The following SASH1 variants were observed in gnomAD, a reference collection of about 807,000 sequenced individuals.
SASH1 encodes the protein SAM and SH3 domain-containing protein 1.
SASH1 carries 44 observed loss-of-function variants against 125.2 expected under a neutral mutation model. That is an observed-to-expected ratio of 0.35 (90% CI 0.28 to 0.45). SASH1 has a LOEUF of 0.45. SASH1 is among the 20% of genes least tolerant of loss of function. SASH1 has a pLI of 1.00. For missense variants in SASH1, 1,426 were observed against 1,614.5 expected, an observed-to-expected ratio of 0.88 and a Z score of 2.00; for synonymous variants, 639 against 649.1, an observed-to-expected ratio of 0.98 and a Z score of 0.24.
chr6:148,533,913 G>A lies in SASH1; in HGVS notation c.1877G>A (p.Arg626Lys), dbSNP rs375335791. The change falls in exon 15 of 20, where the codon AGG becomes AAG. Residue 626 changes from arginine to lysine, a missense_variant. By Grantham distance (26) the Arg-to-Lys change is conservative (BLOSUM62 2). This residue lies in a region of SASH1 where 225 missense variants were observed against 344.5 expected (regional missense o/e 0.65). Coordinates refer to ENST00000367467, the MANE Select transcript of SASH1 (RefSeq NM_015278.5). This position sits in a 1 kb window ranked among gnomAD's most constrained non-coding sequence, Gnocchi z 6.2. The part of the protein sequence containing the change: ...DEEKPKRPTR[R>K]RRKGRPPQPK... ...GAGAAACCCAAACGCCCCACCAGGA[G>A]GCGTCGGAAAGGACGACCACCCCAG... The A allele has an allele frequency of 3.7e-6, 6 of 1,613,936 alleles. No individual in the cohort carries two copies. The highest frequency in any genetic ancestry group is 4.2e-6 in the Non-Finnish European group (5 of 1,179,944).
chr6:148,226,594 C>T, the SASH1 span, among the ~76,000 whole-genome samples: 1 of 152,178 alleles, frequency 6.6e-6, no homozygotes, highest in Non-Finnish European at 1.5e-5. Flanking sequence ...CGGGGTTGGA[C>T]AATTCTGTAG....
the SASH1 span, among the ~76,000 whole-genome samples, chr6:148,212,066 C>A: frequency 6.6e-6 from 1 of 152,186 alleles, no homozygotes; most frequent in South Asian, 2.1e-4. Context: ...CAACCAGCGT[C>A]ACTGGGAGAC....
the SASH1 span, among the ~76,000 whole-genome samples, chr6:148,249,673 G>T: frequency 2.0e-5 from 3 of 152,170 alleles, no homozygotes; most frequent in Admixed American, 1.3e-4. Flanking sequence ...CAGAGGTAAT[G>T]ATGGCAAACT....
upstream of SASH1, among the ~76,000 whole-genome samples, chr6:148,268,286 T>C (rs116867321): frequency 3.1e-3 from 468 of 152,306 alleles, 3 homozygotes; most frequent in Non-Finnish European, 4.7e-3. Context: ...AGAGCTGACC[T>C]CCAGGTGGTA....
intron 1 of SASH1, among the ~76,000 whole-genome samples, chr6:148,322,355 T>C (rs1780654913): frequency 6.6e-6 from 1 of 152,014 alleles, no homozygotes; most frequent in Non-Finnish European, 1.5e-5. Context: ...CAGTCTCAAA[T>C]AAAATAAAAT....
At chr6:148,222,080 T>A in the SASH1 span, among the ~76,000 whole-genome samples, 87 of 152,338 alleles carry the variant, frequency 5.7e-4, no homozygotes, top group East Asian at 9.5e-3. Flanking sequence ...TCTTCTCCCC[T>A]TCTAACCTAT....
the SASH1 span, among the ~76,000 whole-genome samples, chr6:148,265,335 GGGAGGGAA>G: frequency 0.035 from 5,260 of 150,794 alleles, 117 homozygotes; most frequent in South Asian, 0.059. Context: ...GAGGGAAGGA[GGGAGGGAA>G]GGAGGGAGGG....
chr6:148,366,139 G>T (rs576545906), intron 1 of SASH1, among the ~76,000 whole-genome samples: 4 of 151,804 alleles, frequency 2.6e-5, no homozygotes, highest in Non-Finnish European at 5.9e-5. Flanking sequence ...AAAAAAATTA[G>T]CCAGGCATGG....
Position 148,471,417 on chromosome 6 carries a change from GA to G in SASH1, c.432del (p.Gly145GlufsTer21). ...TTTTTTTTTTTTTTTTTTTTTTAAG[GA>G]AAAGGAGACTGGAAGAAGAAAAATA... is the stretch of plus-strand genomic sequence containing the variant. ...HKSNSEDSSV[G>X]KGDWKKKNKY... On this transcript the variant is annotated frameshift_variant and splice_region_variant, in exon 6 of 20. Transcript: ENST00000367467. LOFTEE classifies it high-confidence loss of function. 1 of 830,946 alleles carries G rather than the reference GA, an allele frequency of 1.2e-6. No homozygotes were observed. The highest frequency in any genetic ancestry group is 1.8e-6 in the Non-Finnish European group (1 of 545,234). The allele number at this position is 830,946 out of a possible 1,614,324, so 51.5% of individuals were successfully genotyped here.
At chr6:148,428,893 C>A (rs1034951659) in intron 2 of SASH1, among the ~76,000 whole-genome samples, 16 of 152,066 alleles carry the variant, frequency 1.1e-4, no homozygotes, top group African/African-American at 3.9e-4. Context: ...CAGTTTCACT[C>A]GGAAGAAAAT....
chr6:148,507,584 T>C (rs1000751712), intron 8 of SASH1, among the ~76,000 whole-genome samples: 1 of 152,158 alleles, frequency 6.6e-6, no homozygotes, highest in Admixed American at 6.5e-5. Flanking sequence ...TTTCCCAGGC[T>C]GGTCTCGAAC....
intron 1 of SASH1, among the ~76,000 whole-genome samples, chr6:148,274,613 G>C (rs76316188): frequency 3.0e-4 from 45 of 152,296 alleles, no homozygotes; most frequent in Non-Finnish European, 5.6e-4. Context: ...TAGGAATATC[G>C]TTCCTGTCCT....
At chr6:148,194,615 A>C in the SASH1 span, among the ~76,000 whole-genome samples, 3 of 152,238 alleles carry the variant, frequency 2.0e-5, no homozygotes, top group African/African-American at 7.2e-5. Context: ...TATTCATTAA[A>C]GAATGTTCAG....
At chr6:148,309,808 A>G (rs6907655) in intron 1 of SASH1, among the ~76,000 whole-genome samples, 135,443 of 152,108 alleles carry the variant, frequency 0.89, 60,348 homozygotes, top group East Asian at 0.93. Flanking sequence ...CACCATGTAC[A>G]AGGGTATCAT....
the SASH1 span, among the ~76,000 whole-genome samples, chr6:148,220,149 G>C: frequency 6.6e-6 from 1 of 152,160 alleles, no homozygotes; most frequent in Non-Finnish European, 1.5e-5. Context: ...ATAGAGGATA[G>C]AAATTTACTT....
At chr6:148,318,227 C>CA (rs2114564193) in intron 1 of SASH1, among the ~76,000 whole-genome samples, 1 of 152,276 alleles carries the variant, frequency 6.6e-6, no homozygotes, top group East Asian at 1.9e-4. Flanking sequence ...TGGAAACAGA[C>CA]AAACAGCAGG....
At chr6:148,437,073 A>G (rs1359447655) in intron 2 of SASH1, among the ~76,000 whole-genome samples, 1 of 152,210 alleles carries the variant, frequency 6.6e-6, no homozygotes, top group Non-Finnish European at 1.5e-5. Context: ...TCTCTGAATA[A>G]AGGGGTCATG....
chr6:148,340,939 C>T (rs1781301159), upstream of SASH1, among the ~76,000 whole-genome samples: 1 of 152,044 alleles, frequency 6.6e-6, no homozygotes, highest in South Asian at 2.1e-4. Flanking sequence ...AGTTTGAGAC[C>T]ACCTTGGGCA....
the SASH1 span, among the ~76,000 whole-genome samples, chr6:148,257,584 C>T: frequency 1.3e-5 from 2 of 151,212 alleles, no homozygotes; most frequent in African/African-American, 2.4e-5. Flanking sequence ...GTCTGCCAAA[C>T]TGCATTTATT....
Sources: gnomAD v4.1 joint callset for allele counts (sites outside exome capture counted in the v4.1 genomes callset) on GRCh38, gnomAD v4.1.1 for gene constraint, gnomAD v4.1.1 regional missense constraint, Gnocchi (gnomAD v3.1) non-coding constraint, MANE v1.5 for transcripts, NCBI Gene and HGNC (gene_info 2026-07-23, HGNC 2026-07-21) for gene names.